Variants in PELI2 observed in about 807,000 individuals in gnomAD.
The protein encoded by PELI2 is pellino E3 ubiquitin protein ligase family member 2.
Under a neutral mutation model 42.3 loss-of-function variants are expected in PELI2, and 23 were observed. The ratio of observed to expected loss-of-function variants is 0.54; its 90% CI spans 0.39 to 0.77. The LOEUF is 0.77. Ranked by LOEUF, PELI2 falls within the 30% of genes least tolerant of loss-of-function variation. PELI2 has a pLI of 0.00. For missense variants in PELI2, 463 were observed against 553.2 expected, an observed-to-expected ratio of 0.84 and a Z score of 1.64; for synonymous variants, 245 against 212.2, an observed-to-expected ratio of 1.15 and a Z score of -1.34.
chr14:56,289,096 G>A (rs1889741512), intron 4 of PELI2, among the ~76,000 whole-genome samples: 1 of 152,150 alleles, frequency 6.6e-6, no homozygotes, highest in African/African-American at 2.4e-5. Flanking sequence ...CCCTTATAGG[G>A]TTTCCTTGTA....
At chr14:56,157,355 ATC>A (rs1222299509) in intron 1 of PELI2, among the ~76,000 whole-genome samples, 58 of 152,276 alleles carry the variant, frequency 3.8e-4, no homozygotes, top group Non-Finnish European at 1.5e-5. Context: ...ATATTTTCTA[ATC>A]TCATGGTTCA....
At chr14:56,206,506 A>G (rs1886522745) in intron 2 of PELI2, among the ~76,000 whole-genome samples, 1 of 65,104 alleles carries the variant, frequency 1.5e-5, no homozygotes, top group East Asian at 3.0e-4. Flanking sequence ...TTCAGAGTTC[A>G]GTAAATGACT....
chr14:56,138,158 G>A (rs1007811756), intron 1 of PELI2, among the ~76,000 whole-genome samples: 3 of 152,226 alleles, frequency 2.0e-5, no homozygotes, highest in Non-Finnish European at 2.9e-5. Flanking sequence ...TCACCAGAGC[G>A]TTACAGGGCT....
intron 2 of PELI2, among the ~76,000 whole-genome samples, chr14:56,240,563 C>T (rs1887937421): frequency 1.3e-5 from 2 of 152,110 alleles, no homozygotes. Context: ...AGGAAGACTA[C>T]TCTTTCAAGG....
At chr14:56,124,124 T>C (rs1362172919) in intron 1 of PELI2, among the ~76,000 whole-genome samples, 1 of 152,236 alleles carries the variant, frequency 6.6e-6, no homozygotes, top group Non-Finnish European at 1.5e-5. Flanking sequence ...CTGAGCTTAT[T>C]GTCACCTTCA....
intron 1 of PELI2, among the ~76,000 whole-genome samples, chr14:56,145,315 T>C (rs1390331816): frequency 6.6e-6 from 1 of 152,160 alleles, no homozygotes; most frequent in African/African-American, 2.4e-5. Flanking sequence ...ACCACCCCCA[T>C]GATCCAGTCA....
rs908408113 is a variant in PELI2, at chr14:56,297,359, A to T, written c.*193A>T. 1.9e-6 allele frequency: 1 copy of T among 536,738 alleles called. No individual in the cohort carries two copies. Among genetic ancestry groups the T allele is most frequent in the East Asian group, 2.8e-5 (1 of 35,188 alleles). The allele number at this position is 536,738 out of a possible 1,614,324, so 33.2% of individuals were successfully genotyped here. A position where few individuals can be genotyped will look rare whatever the true frequency, so the allele number is the denominator to read the frequency against. On this transcript the variant is annotated 3_prime_UTR_variant, in exon 6 of 6. Transcript: ENST00000267460. Reference sequence around the variant, plus strand: ...CAGTGGTGTGTTGCATGCTCAAAACAGCAGCGTCGTCATTGAAGTCTGCTT... The same window carrying T: ...CAGTGGTGTGTTGCATGCTCAAAACTGCAGCGTCGTCATTGAAGTCTGCTT...
intron 2 of PELI2, among the ~76,000 whole-genome samples, chr14:56,205,620 A>T (rs1886491438): frequency 6.6e-6 from 1 of 152,214 alleles, no homozygotes; most frequent in African/African-American, 2.4e-5. Flanking sequence ...GAATGTTTGA[A>T]TAGCAAAACT....
In PELI2 at chr14:56,288,270, C is replaced by T. The variant is rs187476698; in HGVS notation, c.310-167C>T. Among the ~76,000 whole-genome samples the T allele has an allele frequency of 1.0e-3, 158 of 152,146 alleles. No individual in the cohort carries two copies. Among genetic ancestry groups the T allele is most frequent in the African/African-American group, 3.6e-3 (150 of 41,510 alleles). ...AATATTTGGTTACCCTAATATCTTC[C>T]CTAGTTAAATAGGAAAAGGAGCACG... On this transcript the variant is annotated intron_variant, in intron 3 of 5. Coordinates refer to ENST00000267460, the MANE Select transcript of PELI2 (RefSeq NM_021255.3). The surrounding 1 kb of genome is among the most constrained non-coding windows in gnomAD (Gnocchi z 4.6).
rs146729786 is a variant in PELI2, at chr14:56,260,279, A to G, written c.208-19397A>G. On this transcript the variant is annotated intron_variant, in intron 2 of 5. Coordinates refer to ENST00000267460, the MANE Select transcript of PELI2 (RefSeq NM_021255.3). ...TAGTATAAATATCCTTTAAATGTCC[A>G]TAGAATGGAATAACTACTAATAGAG... 3.5e-4 allele frequency among the ~76,000 whole-genome samples: 53 copies of G among 152,282 alleles called. No homozygotes were observed. In the South Asian group the frequency reaches 6.0e-3, roughly 17 times the overall value.
Position 56,288,136 on chromosome 14 carries a change from G to A in PELI2, c.310-301G>A, listed in dbSNP as rs182649563. Among the ~76,000 whole-genome samples, 77 of 152,290 alleles carry A rather than the reference G, an allele frequency of 5.1e-4. No individual in the cohort carries two copies. Among genetic ancestry groups the A allele is most frequent in the African/African-American group, 1.7e-3 (69 of 41,558 alleles). ...AAGTTCTAGAGAGTTGCTGTGCACC[G>A]TTCTGCCTGTAGTCAACAATGACTG... On this transcript the variant is annotated intron_variant, in intron 3 of 5. Transcript: ENST00000267460. This position sits in a 1 kb window ranked among gnomAD's most constrained non-coding sequence, Gnocchi z 4.6.
intron 2 of PELI2, among the ~76,000 whole-genome samples, chr14:56,208,685 TTTTATTATGCATGATGAAA>T (rs1341849299): frequency 6.6e-6 from 1 of 152,224 alleles, no homozygotes; most frequent in Non-Finnish European, 1.5e-5. Context: ...ACTCACGAGT[TTTTATTATGCATGATGAAA>T]TGGGAAGTAC....
intron 2 of PELI2, among the ~76,000 whole-genome samples, chr14:56,182,737 A>G (rs1048744317): frequency 2.6e-5 from 4 of 152,220 alleles, no homozygotes; most frequent in African/African-American, 9.6e-5. Flanking sequence ...ACTGGTTGAT[A>G]AAATATTGAA....
chr14:56,268,195 C>G (rs762344221), intron 2 of PELI2, among the ~76,000 whole-genome samples: 2 of 152,120 alleles, frequency 1.3e-5, no homozygotes, highest in Non-Finnish European at 2.9e-5. Flanking sequence ...ATAGGCAAAT[C>G]GAATTATTCA....
intron 2 of PELI2, among the ~76,000 whole-genome samples, chr14:56,246,126 A>G (rs1888144168): frequency 1.3e-5 from 2 of 152,170 alleles, no homozygotes; most frequent in African/African-American, 4.8e-5. Context: ...CTCTGCAAGC[A>G]TGGATCTCCT....
chr14:56,191,157 C>T (rs1885936999), intron 2 of PELI2, among the ~76,000 whole-genome samples: 1 of 152,134 alleles, frequency 6.6e-6, no homozygotes, highest in South Asian at 2.1e-4. Flanking sequence ...TTGTGAGGTC[C>T]TGGACAGCAG....
At chr14:56,189,674 A>T (rs1349066927) in intron 2 of PELI2, among the ~76,000 whole-genome samples, 1 of 152,236 alleles carries the variant, frequency 6.6e-6, no homozygotes, top group Non-Finnish European at 1.5e-5. Context: ...TAGGTGTAGG[A>T]TATGATGAAA....
intron 1 of PELI2, among the ~76,000 whole-genome samples, chr14:56,166,976 A>G (rs916547016): frequency 1.3e-5 from 2 of 151,926 alleles, no homozygotes; most frequent in Non-Finnish European, 2.9e-5. Context: ...TTTTTAGTAG[A>G]GACAGCATTT....
At chr14:56,130,411 G>A (rs899815886) in intron 1 of PELI2, among the ~76,000 whole-genome samples, 2 of 151,792 alleles carry the variant, frequency 1.3e-5, no homozygotes, top group African/African-American at 4.8e-5. Context: ...CCTTTACTGT[G>A]TGTGTTCCAA....
Sources: allele counts gnomAD v4.1 joint callset (sites outside exome capture counted in the v4.1 genomes callset), GRCh38; gene constraint gnomAD v4.1.1; non-coding constraint Gnocchi (gnomAD v3.1); transcripts MANE v1.5; gene names NCBI Gene and HGNC (gene_info 2026-07-23, HGNC 2026-07-21).